Variants in PCDHA13 observed in about 807,000 individuals in gnomAD.
PCDHA13 encodes the protein protocadherin alpha 13.
Under a neutral mutation model 64.8 loss-of-function variants are expected in PCDHA13, and 54 were observed. That is an observed-to-expected ratio of 0.83 (90% CI 0.67 to 1.04). PCDHA13 has a LOEUF of 1.04. PCDHA13 is among the 50% of genes least tolerant of loss of function. The probability of loss-of-function intolerance (pLI) is 0.00; values close to 1 mark genes in which losing one functional copy is unlikely to be tolerated. For synonymous variants in PCDHA13, 587 were observed against 564.4 expected, an observed-to-expected ratio of 1.04 and a Z score of -0.57; for missense variants, 1,248 against 1,254.3, an observed-to-expected ratio of 0.99 and a Z score of 0.08.
At chr5:140,911,845 A>G (rs1184698013) in intron 1 of PCDHA13, among the ~76,000 whole-genome samples, 2 of 152,216 alleles carry the variant, frequency 1.3e-5, no homozygotes, top group Non-Finnish European at 2.9e-5. Context: ...AAAGAACTCC[A>G]TCCTTAATAG....
intron 1 of PCDHA13, among the ~76,000 whole-genome samples, chr5:140,964,181 T>A (rs1563333888): frequency 6.6e-6 from 1 of 152,218 alleles, no homozygotes; most frequent in African/African-American, 2.4e-5. Context: ...ATCATTATAG[T>A]GCCAAATAGA....
intron 1 of PCDHA13, among the ~76,000 whole-genome samples, chr5:140,915,068 ACTGAGTAG>A (rs2076964271): frequency 1.3e-5 from 2 of 150,322 alleles, no homozygotes; most frequent in South Asian, 4.2e-4. Context: ...GCCTTAGCCT[ACTGAGTAG>A]CTGGGACTAT....
intron 1 of PCDHA13, among the ~76,000 whole-genome samples, chr5:140,923,038 T>C (rs529637754): frequency 1.2e-4 from 19 of 152,316 alleles, no homozygotes; most frequent in Admixed American, 1.0e-3. Context: ...TTACTACATG[T>C]ATAGTATTTA....
chr5:140,966,538 C>T, intron 1 of PCDHA13: 2 of 463,262 alleles, frequency 4.3e-6, no homozygotes, highest in South Asian at 1.1e-4. Flanking sequence ...GGTTGAGCGA[C>T]TCGGAGGCGA....
intron 1 of PCDHA13, chr5:140,966,895 G>T: frequency 6.3e-7 from 1 of 1,596,682 alleles, no homozygotes. Flanking sequence ...CGGCCTCCCA[G>T]CTGCGATACT....
chr5:140,927,706 C>G lies in PCDHA13; in HGVS notation c.2394+43044C>G, dbSNP rs1584519766. The G allele has an allele frequency of 1.2e-6, 2 of 1,614,108 alleles. No homozygotes were observed. Among genetic ancestry groups the G allele is most frequent in the African/African-American group, 2.7e-5 (2 of 74,940 alleles). Reference sequence around the variant, plus strand: ...GTCCAATGGGGAAGTCCAGTACTCCCTAAGCAACAGCACGCAAGCAGAGCT... The same window carrying G: ...GTCCAATGGGGAAGTCCAGTACTCCGTAAGCAACAGCACGCAAGCAGAGCT... On this transcript the variant is annotated intron_variant, in intron 1 of 3. Coordinates refer to ENST00000289272, the MANE Select transcript of PCDHA13 (RefSeq NM_018904.3).
chr5:140,976,142 C>T (rs1554237347), intron 1 of PCDHA13, among the ~76,000 whole-genome samples: 2 of 152,138 alleles, frequency 1.3e-5, no homozygotes, highest in Admixed American at 1.3e-4. Context: ...GGATGAAACT[C>T]ATGTACATTT....
At chr5:140,999,078 T>G (rs1554256609) in intron 3 of PCDHA13, among the ~76,000 whole-genome samples, 2 of 152,208 alleles carry the variant, frequency 1.3e-5, no homozygotes, top group Non-Finnish European at 2.9e-5. Context: ...CTTCACTTCC[T>G]CCTTCAGAGG....
chr5:140,950,685 A>T (rs947460709), intron 1 of PCDHA13, among the ~76,000 whole-genome samples: 3 of 152,082 alleles, frequency 2.0e-5, no homozygotes, highest in Non-Finnish European at 4.4e-5. Context: ...GTATATTGTT[A>T]ACCAAATTTG....
chr5:140,969,024 C>T, intron 1 of PCDHA13: 1 of 1,614,198 alleles, frequency 6.2e-7, no homozygotes, highest in Non-Finnish European at 8.5e-7. Flanking sequence ...GAAAGGTCCC[C>T]TGCAGAACTG....
At chr5:140,886,201 T>C (rs1224274096) in intron 1 of PCDHA13, among the ~76,000 whole-genome samples, 2 of 152,140 alleles carry the variant, frequency 1.3e-5, no homozygotes, top group African/African-American at 2.4e-5. Flanking sequence ...AGTAATCTGT[T>C]CTCCATTTCT....
rs2098422174 is a variant in PCDHA13 at position 141,011,893 on chromosome 5, T to G, written c.*1956T>G. On this transcript the variant is annotated 3_prime_UTR_variant, in exon 4 of 4. Coordinates refer to ENST00000289272, the MANE Select transcript of PCDHA13 (RefSeq NM_018904.3). ...CAATTTAGAAGTTTGATTAATTATATTATCTATTTAGGCATTAATATAAAA... is the reference window on the plus strand; with the variant it reads ...CAATTTAGAAGTTTGATTAATTATAGTATCTATTTAGGCATTAATATAAAA... The G allele has an allele frequency of 6.5e-6, 1 of 153,362 alleles. No individual in the cohort carries two copies. Among genetic ancestry groups the G allele is most frequent in the Admixed American group, 6.5e-5 (1 of 15,272 alleles). 9.5% of individuals were successfully genotyped at this position (153,362 alleles called of 1,614,324 possible). A position where few individuals can be genotyped will look rare whatever the true frequency, so the allele number is the denominator to read the frequency against.
chr5:140,928,458 T>C lies in PCDHA13; in HGVS notation c.2394+43796T>C, dbSNP rs1030560254. On this transcript the variant is annotated intron_variant, in intron 1 of 3. Coordinates refer to ENST00000289272, the MANE Select transcript of PCDHA13 (RefSeq NM_018904.3). Reference sequence around the variant, plus strand: ...ACTTTGAGCAGCTCAGGGGGTTTCATTTCCAAGTAGAAGGCCGGGATGGTG... The same window carrying C: ...ACTTTGAGCAGCTCAGGGGGTTTCACTTCCAAGTAGAAGGCCGGGATGGTG... 3.1e-6 allele frequency: 5 copies of C among 1,614,048 alleles called. No homozygotes were observed. In the African/African-American group the frequency reaches 5.3e-5, roughly 17 times the overall value.
chr5:140,929,352 C>T (rs782815841), intron 1 of PCDHA13: 8 of 1,526,758 alleles, frequency 5.2e-6, no homozygotes, highest in Admixed American at 2.1e-5. Flanking sequence ...GAATTTGATT[C>T]CTTTGGCCCG....
chr5:140,928,900 G>A lies in PCDHA13; in HGVS notation c.2394+44238G>A, dbSNP rs782597882. On this transcript the variant is annotated intron_variant, in intron 1 of 3. Coordinates refer to ENST00000289272, the MANE Select transcript of PCDHA13 (RefSeq NM_018904.3). ...TCAGTTACTTCCAGACTTTGAAGATGTCTGGGAACCAGGAGGGCAGCTTTC... is the reference window on the plus strand; with the variant it reads ...TCAGTTACTTCCAGACTTTGAAGATATCTGGGAACCAGGAGGGCAGCTTTC... The A allele has an allele frequency of 3.1e-6, 5 of 1,614,212 alleles. No homozygotes were observed. The South Asian group carries it at 5.5e-5, about 18-fold the overall frequency.
Position 140,884,132 on chromosome 5 carries a change from T to C in PCDHA13, c.1864T>C (p.Phe622Leu). 1 of 1,613,400 alleles carries C rather than the reference T, an allele frequency of 6.2e-7. No individual in the cohort carries two copies. Among genetic ancestry groups the C allele is most frequent in the South Asian group, 1.1e-5 (1 of 91,058 alleles). The change falls in exon 1 of 4, where the codon TTC becomes CTC. Residue 622 changes from phenylalanine (F) to leucine (L), a missense_variant. Physicochemically the swap from Phe to Leu is conservative, Grantham distance 22. Transcript: ENST00000289272. ...QLAAVGARIP[F>L]RVGLYTGEIS... ...GGCGGCGGTCGGCGCGCGCATCCCG[T>C]TCCGCGTGGGGCTGTACACTGGCGA...
intron 1 of PCDHA13, among the ~76,000 whole-genome samples, chr5:140,944,938 A>G (rs2153667882): frequency 6.6e-6 from 1 of 152,262 alleles, no homozygotes; most frequent in African/African-American, 2.4e-5. Context: ...CCTTCTTTAG[A>G]TGATTGTGAA....
In PCDHA13 at chr5:140,908,379, G is replaced by A. The variant is rs553504980; in HGVS notation, c.2394+23717G>A. Among the ~76,000 whole-genome samples the A allele has an allele frequency of 7.2e-5, 11 of 152,198 alleles. No individual in the cohort carries two copies. In the South Asian group the frequency reaches 1.2e-3, roughly 17 times the overall value. On this transcript the variant is annotated intron_variant, in intron 1 of 3. Coordinates refer to ENST00000289272, the MANE Select transcript of PCDHA13 (RefSeq NM_018904.3). ...TTACTTGTGCCTTCAGGACCTGCTC[G>A]AGCCCGATCACATATATACCACTTC...
chr5:141,003,370 G>A (rs192935173), intron 3 of PCDHA13, among the ~76,000 whole-genome samples: 1 of 152,262 alleles, frequency 6.6e-6, no homozygotes, highest in East Asian at 1.9e-4. Context: ...GGAGTGCAGT[G>A]GTGCAATCTC....
Sources: allele counts gnomAD v4.1 joint callset (sites outside exome capture counted in the v4.1 genomes callset), GRCh38; gene constraint gnomAD v4.1.1; transcripts MANE v1.5; gene names NCBI Gene and HGNC (gene_info 2026-07-23, HGNC 2026-07-21).